Variants in FER observed in about 807,000 individuals in gnomAD.
FER encodes the protein FER tyrosine kinase.
Under a neutral mutation model 111.0 loss-of-function variants are expected in FER, and 63 were observed. That is an observed-to-expected ratio of 0.57 (90% CI 0.46 to 0.70). FER has a LOEUF of 0.70. FER is among the 30% of genes least tolerant of loss of function. FER has a pLI of 0.00. For missense variants in FER, 914 were observed against 954.0 expected (o/e 0.96, Z 0.55); for synonymous variants, 327 against 313.9 (o/e 1.04, Z -0.44).
At chr5:109,012,210 T>C (rs1581643650) in intron 13 of FER, among the ~76,000 whole-genome samples, 1 of 152,374 alleles carries the variant, frequency 6.6e-6, no homozygotes, top group Middle Eastern at 3.4e-3. Context: ...ATAGGTTTGC[T>C]TAAAATGCTT....
At chr5:108,845,999 T>C (rs1761992134) in intron 5 of FER, among the ~76,000 whole-genome samples, 1 of 152,222 alleles carries the variant, frequency 6.6e-6, no homozygotes, top group Non-Finnish European at 1.5e-5. Flanking sequence ...GTATTACTAC[T>C]TTTTAAATTG....
rs191887349 is a variant in FER at position 108,928,999 on chromosome 5, A to T, written c.1237-17131A>T. Among the ~76,000 whole-genome samples, 710 of 152,224 alleles carry T rather than the reference A, an allele frequency of 4.7e-3. 2 individuals carry two copies. The highest frequency in any genetic ancestry group is 0.016 in the African/African-American group (670 of 41,548). On this transcript the variant is annotated intron_variant, in intron 10 of 19. Coordinates refer to ENST00000281092, the MANE Select transcript of FER (RefSeq NM_005246.4). ...TGTTTTGTATACTTTATTTTGATGA[A>T]TAAATATATCTGTAGGGATATGAGA... is the stretch of plus-strand genomic sequence containing the variant.
chr5:109,032,140 G>A (rs927837630), intron 13 of FER, among the ~76,000 whole-genome samples: 8 of 152,110 alleles, frequency 5.3e-5, no homozygotes, highest in South Asian at 4.1e-4. Context: ...AGGAGTGGTG[G>A]CTTCTGTGGG....
At position 109,072,279 on chromosome 5, in the gene FER, A is replaced by G. The variant is rs1050221958; in HGVS notation, c.1924+25081A>G. ...TGCTCGCAAATGAAAACTGTAAATG[A>G]TGTGAGTTGGCATGTATTTCAAAAG... On this transcript the variant is annotated intron_variant, in intron 16 of 19. Coordinates refer to ENST00000281092, the MANE Select transcript of FER (RefSeq NM_005246.4). 2.5e-4 allele frequency among the ~76,000 whole-genome samples: 38 copies of G among 151,530 alleles called. 1 individual carries two copies. The highest frequency in any genetic ancestry group is 8.2e-4 in the African/African-American group (34 of 41,354).
chr5:108,987,180 T>C (rs1482413464), intron 13 of FER, among the ~76,000 whole-genome samples: 1 of 152,182 alleles, frequency 6.6e-6, no homozygotes, highest in East Asian at 1.9e-4. Flanking sequence ...GTGCAATGGC[T>C]CACACCTGTA....
At chr5:108,914,995 G>A (rs189542523) in intron 10 of FER, among the ~76,000 whole-genome samples, 45 of 152,314 alleles carry the variant, frequency 3.0e-4, no homozygotes, top group East Asian at 2.5e-3. Context: ...GGTTAGGCAT[G>A]TAACTTGGAA....
chr5:109,093,521 T>G (rs1747083183), intron 16 of FER, among the ~76,000 whole-genome samples: 1 of 152,154 alleles, frequency 6.6e-6, no homozygotes, highest in Non-Finnish European at 1.5e-5. Flanking sequence ...ATAGTAAGAT[T>G]GTATGACATT....
chr5:108,929,223 G>A (rs74399707), intron 10 of FER, among the ~76,000 whole-genome samples: 2,414 of 152,178 alleles, frequency 0.016, 52 homozygotes, highest in African/African-American at 0.056. Flanking sequence ...TTTTGTTTGT[G>A]ATAGTAAAAA....
chr5:108,839,572 C>CTTT (rs1232820003), intron 5 of FER, among the ~76,000 whole-genome samples: 130 of 94,736 alleles, frequency 1.4e-3, no homozygotes, highest in South Asian at 2.7e-3. Flanking sequence ...ATGCCATTTT[C>CTTT]TTTTTTTTTT....
In FER at chr5:109,186,608, G is replaced by A. The variant is rs534062560; in HGVS notation, c.2326+286G>A. On this transcript the variant is annotated intron_variant, in intron 19 of 19. Coordinates refer to ENST00000281092, the MANE Select transcript of FER (RefSeq NM_005246.4). ...TCACTGTCGTTAAGAGAAATAGGGT[G>A]GTGTTTCTCAAACTCTTGTATTCTA... Among the ~76,000 whole-genome samples the A allele has an allele frequency of 3.9e-5, 6 of 152,190 alleles. No homozygotes were observed. In the South Asian group the frequency reaches 1.2e-3, roughly 32 times the overall value.
chr5:109,126,715 T>C (rs925982308), intron 17 of FER, among the ~76,000 whole-genome samples: 1 of 152,206 alleles, frequency 6.6e-6, no homozygotes, highest in Non-Finnish European at 1.5e-5. Flanking sequence ...GTTGAATTGC[T>C]CCTTGTCATT....
intron 17 of FER, among the ~76,000 whole-genome samples, chr5:109,108,859 A>G (rs1434452535): frequency 6.6e-6 from 1 of 152,142 alleles, no homozygotes; most frequent in Admixed American, 6.6e-5. Flanking sequence ...CAATCAACAT[A>G]CAGAACTAGA....
At chr5:108,873,740 T>G (rs1008205101) in intron 8 of FER, among the ~76,000 whole-genome samples, 7 of 152,134 alleles carry the variant, frequency 4.6e-5, no homozygotes, top group Non-Finnish European at 7.3e-5. Flanking sequence ...TTGCCCTGGG[T>G]GATTTTATAC....
intron 14 of FER, among the ~76,000 whole-genome samples, chr5:109,041,603 T>C (rs1334795970): frequency 6.6e-6 from 1 of 152,160 alleles, no homozygotes; most frequent in Non-Finnish European, 1.5e-5. Context: ...GCAAGGTAAT[T>C]GGAGGAGAGA....
At chr5:109,112,503 T>C (rs980033885) in intron 17 of FER, among the ~76,000 whole-genome samples, 7 of 152,272 alleles carry the variant, frequency 4.6e-5, no homozygotes, top group Admixed American at 6.5e-5. Flanking sequence ...CCTTCCCTGG[T>C]GTGGGCCACT....
intron 13 of FER, among the ~76,000 whole-genome samples, chr5:108,977,112 C>T (rs760253200): frequency 2.0e-5 from 3 of 152,126 alleles, no homozygotes; most frequent in Non-Finnish European, 4.4e-5. Context: ...AACACTTGAG[C>T]TCACCACAAT....
intron 10 of FER, among the ~76,000 whole-genome samples, chr5:108,932,174 C>T (rs1229021071): frequency 1.3e-5 from 2 of 152,088 alleles, no homozygotes; most frequent in Non-Finnish European, 2.9e-5. Context: ...CTCACCTAGC[C>T]CCCTACCCCC....
intron 2 of FER, among the ~76,000 whole-genome samples, chr5:108,773,902 A>G (rs146881425): frequency 8.1e-4 from 124 of 152,214 alleles, no homozygotes; most frequent in African/African-American, 2.9e-3. Flanking sequence ...CTGGTGTGAG[A>G]TGGTATCTCA....
At chr5:108,919,371 C>A (rs1489510268) in intron 10 of FER, among the ~76,000 whole-genome samples, 1 of 151,726 alleles carries the variant, frequency 6.6e-6, no homozygotes, top group Non-Finnish European at 1.5e-5. Flanking sequence ...TTGTATGAAA[C>A]ATGTCCTATT....
Sources: gnomAD v4.1 joint callset for allele counts (sites outside exome capture counted in the v4.1 genomes callset) on GRCh38, gnomAD v4.1.1 for gene constraint, MANE v1.5 for transcripts, NCBI Gene and HGNC (gene_info 2026-07-23, HGNC 2026-07-21) for gene names.